The following MTOR variants were observed in gnomAD, a reference collection of about 807,000 sequenced individuals.
MTOR encodes mechanistic target of rapamycin kinase, also known as serine/threonine-protein kinase mTOR.
A neutral mutation model predicts 319.8 loss-of-function variants in MTOR; 70 were observed. That is an observed-to-expected ratio of 0.22 (90% confidence interval 0.18 to 0.27). The LOEUF is 0.27. Among genes scored for constraint, MTOR ranks in the 10% least tolerant of loss-of-function variants. MTOR has a pLI of 1.00. For synonymous variants in MTOR, 1,183 were observed against 1,211.4 expected (o/e 0.98, Z 0.49); for missense variants, 1,890 against 3,274.4 (o/e 0.58, Z 10.32).
intron 47 of MTOR, among the ~76,000 whole-genome samples, chr1:11,124,155 C>A (rs111760753): frequency 0.028 from 4,223 of 152,094 alleles, 172 homozygotes; most frequent in African/African-American, 0.096. Flanking sequence ...GTCTTGAATT[C>A]CTGGGCTCAA....
chr1:11,207,982 G>A (rs1171561453), intron 25 of MTOR, among the ~76,000 whole-genome samples: 2 of 152,112 alleles, frequency 1.3e-5, no homozygotes, highest in Admixed American at 1.3e-4. Flanking sequence ...AAGCAAACTA[G>A]ATTACTGAGG....
intron 47 of MTOR, among the ~76,000 whole-genome samples, chr1:11,122,716 C>T (rs1642605102): frequency 6.6e-6 from 1 of 151,956 alleles, no homozygotes; most frequent in Admixed American, 6.6e-5. Flanking sequence ...ACTATGTTGG[C>T]CAGACTGGTC....
At chr1:11,210,110 C>G (rs552686009) in intron 24 of MTOR, among the ~76,000 whole-genome samples, 4 of 152,300 alleles carry the variant, frequency 2.6e-5, no homozygotes, top group African/African-American at 7.2e-5. Context: ...TCAAGTGATC[C>G]TCCCGCCTCA....
chr1:11,227,297 CAAAAAAAAAAAAAAAAA>C (rs59546882), intron 19 of MTOR, among the ~76,000 whole-genome samples: 58 of 74,018 alleles, frequency 7.8e-4, no homozygotes, highest in Middle Eastern at 0.013. Flanking sequence ...GACTTTGTCT[CAAAAAAAAAAAAAAAAA>C]AAAAAAAAAA....
chr1:11,153,550 G>A (rs1009045547), intron 30 of MTOR, among the ~76,000 whole-genome samples: 1 of 152,198 alleles, frequency 6.6e-6, no homozygotes, highest in African/African-American at 2.4e-5. Flanking sequence ...TTGTATGACA[G>A]CTGATATGAA....
intron 56 of MTOR, among the ~76,000 whole-genome samples, chr1:11,108,769 T>C (rs370493243): frequency 2.0e-4 from 28 of 142,184 alleles, no homozygotes; most frequent in African/African-American, 7.1e-4. Flanking sequence ...GTGCGGTGGG[T>C]GAATCACTTG....
chr1:11,132,889 T>G lies in MTOR; in HGVS notation c.5364+191A>C, dbSNP rs186619704. The G allele has an allele frequency of 7.3e-5, 43 of 585,384 alleles. No individual in the cohort carries two copies. The East Asian group carries it at 1.2e-3, about 16-fold the overall frequency. The allele number at this position is 585,384 out of a possible 1,614,324, so 36.3% of individuals were successfully genotyped here. On this transcript the variant is annotated intron_variant, in intron 38 of 57. Transcript: ENST00000361445. ...GTAACAAGTATTTCTCCAATAATCTTTCTGTATTAATTAAACTTGTAGGGG... is the reference window on the plus strand; with the variant it reads ...GTAACAAGTATTTCTCCAATAATCTGTCTGTATTAATTAAACTTGTAGGGG...
intron 19 of MTOR, among the ~76,000 whole-genome samples, chr1:11,219,109 G>C (rs2100817048): frequency 6.6e-6 from 1 of 152,152 alleles, no homozygotes; most frequent in South Asian, 2.1e-4. Context: ...CAGTTACTTG[G>C]AAGGTTGAGG....
intron 28 of MTOR, among the ~76,000 whole-genome samples, chr1:11,180,987 G>A (rs1350671622): frequency 2.0e-5 from 3 of 152,122 alleles, no homozygotes; most frequent in Non-Finnish European, 4.4e-5. Flanking sequence ...ACATTGGCCA[G>A]GATGGTCTTG....
At position 11,212,413 on chromosome 1, in the gene MTOR, G is replaced by A. The variant is rs1225763956; in HGVS notation, c.3460C>T (p.Arg1154Trp). The stretch of plus-strand genomic sequence containing the variant: ...GTTCGAACAATAGGGTGAATGATCC[G>A]GGAGGCATAGTCAGTGAAATCCAGG... ...ESLDFTDYAS[R>W]IIHPIVRTLD... The change falls in exon 23 of 58, where the codon CGG becomes TGG. Residue 1154 changes from arginine (R) to tryptophan (W), a missense_variant. By Grantham distance (101) the Arg-to-Trp change is moderately radical. Transcript: ENST00000361445. This position sits in a 1 kb window ranked among gnomAD's most constrained non-coding sequence, Gnocchi z 4.1. The A allele has an allele frequency of 1.1e-5, 18 of 1,614,014 alleles. No homozygotes were observed. Among genetic ancestry groups the A allele is most frequent in the Non-Finnish European group, 1.4e-5 (16 of 1,180,016 alleles).
chr1:11,124,931 C>T (rs1642744464), intron 46 of MTOR, among the ~76,000 whole-genome samples: 1 of 152,220 alleles, frequency 6.6e-6, no homozygotes, highest in African/African-American at 2.4e-5. Context: ...CTCCTCTGTT[C>T]TGAGAAGCCT....
At chr1:11,241,524 C>A (rs1230890020) in intron 10 of MTOR, 29 bp downstream of exon 10, 8 of 1,592,700 alleles carry the variant, frequency 5.0e-6, no homozygotes, top group Non-Finnish European at 6.0e-6. Context: ...CACGCTGATA[C>A]AGGGCAAGCT....
chr1:11,114,961 T>G, intron 51 of MTOR, 74 bp from the exon 52 acceptor site: 1 of 1,308,156 alleles, frequency 7.6e-7, no homozygotes, highest in Admixed American at 1.7e-5. Flanking sequence ...AGCAGGTGGC[T>G]TTCCTCTGCA....
At chr1:11,234,950 C>T (rs1013389397) in intron 13 of MTOR, among the ~76,000 whole-genome samples, 1 of 152,152 alleles carries the variant, frequency 6.6e-6, no homozygotes, top group Admixed American at 6.5e-5. Flanking sequence ...AGAAGGAAAT[C>T]GATGAGCAGT....
intron 29 of MTOR, among the ~76,000 whole-genome samples, chr1:11,166,050 T>G (rs1048900664): frequency 3.5e-4 from 54 of 152,252 alleles, no homozygotes; most frequent in African/African-American, 8.4e-4. Flanking sequence ...TATGTAGAAA[T>G]CTGAAACTGG....
At chr1:11,167,083 C>T (rs969974245) in intron 29 of MTOR, among the ~76,000 whole-genome samples, 2 of 151,966 alleles carry the variant, frequency 1.3e-5, no homozygotes, top group African/African-American at 4.8e-5. Flanking sequence ...CATGACACAC[C>T]GGGGCCTGTC....
intron 21 of MTOR, among the ~76,000 whole-genome samples, 189 bp from the exon 22 acceptor site, chr1:11,213,097 G>A (rs1646362074): frequency 6.6e-6 from 1 of 152,102 alleles, no homozygotes; most frequent in South Asian, 2.1e-4. Flanking sequence ...ATATTACTTT[G>A]CTTTCTCTGT....
Position 11,128,419 on chromosome 1 carries a change from G to T in MTOR, c.5910+35C>A. On this transcript the variant is annotated intron_variant, in intron 42 of 57. Coordinates refer to ENST00000361445, the MANE Select transcript of MTOR (RefSeq NM_004958.4). This position sits in a 1 kb window ranked among gnomAD's most constrained non-coding sequence, Gnocchi z 5.3. ...TGGAAAGGCTGACCACCAAACCAGTGGTTAGATGAGAAACTGCCCAGAGTC... is the reference window on the plus strand; with the variant it reads ...TGGAAAGGCTGACCACCAAACCAGTTGTTAGATGAGAAACTGCCCAGAGTC... The T allele has an allele frequency of 1.3e-6, 2 of 1,594,668 alleles. No individual in the cohort carries two copies. Among genetic ancestry groups the T allele is most frequent in the Non-Finnish European group, 1.7e-6 (2 of 1,162,760 alleles).
At position 11,250,244 on chromosome 1, in the gene MTOR, C is replaced by T. The variant is rs1182705782; in HGVS notation, c.841-2150G>A. Among the ~76,000 whole-genome samples the T allele has an allele frequency of 2.9e-5, 4 of 137,948 alleles. 1 individual carries two copies. In the South Asian group the frequency reaches 7.4e-4, roughly 26 times the overall value. 90.5% of individuals were successfully genotyped at this position (137,948 alleles called of 152,430 possible). On this transcript the variant is annotated intron_variant, in intron 6 of 57. Transcript: ENST00000361445. The stretch of plus-strand genomic sequence containing the variant: ...GGGGGCTGACCCCCCACCTCCCTCC[C>T]GGACGGGGCGGCTGGCCGGGCAGGG...
Sources: gnomAD v4.1 joint callset for allele counts (sites outside exome capture counted in the v4.1 genomes callset) on GRCh38, gnomAD v4.1.1 for gene constraint, Gnocchi (gnomAD v3.1) non-coding constraint, MANE v1.5 for transcripts, NCBI Gene and HGNC (gene_info 2026-07-23, HGNC 2026-07-21) for gene names.